CRB1: variants seen among roughly 807,000 people sequenced by gnomAD.
The protein encoded by CRB1 is protein crumbs homolog 1.
Under a neutral mutation model 120.0 loss-of-function variants are expected in CRB1, and 83 were observed. The ratio of observed to expected loss-of-function variants is 0.69; its 90% CI spans 0.58 to 0.83. The LOEUF is 0.83. Ranked by LOEUF, CRB1 falls within the 40% of genes least tolerant of loss-of-function variation. The probability of loss-of-function intolerance (pLI) is 0.00; values close to 1 mark genes in which losing one functional copy is unlikely to be tolerated. For missense variants in CRB1, 1,699 were observed against 1,687.6 expected, an observed-to-expected ratio of 1.01 and a Z score of -0.12; for synonymous variants, 625 against 612.5, an observed-to-expected ratio of 1.02 and a Z score of -0.30.
At chr1:197,458,560 A>G (rs1486457357) in intron 11 of CRB1, among the ~76,000 whole-genome samples, 3 of 152,084 alleles carry the variant, frequency 2.0e-5, no homozygotes, top group Admixed American at 6.6e-5. Flanking sequence ...GCTTCTAGGC[A>G]GGAAATCCAA....
intron 2 of CRB1, among the ~76,000 whole-genome samples, chr1:197,343,218 G>C (rs1659573734): frequency 6.6e-6 from 1 of 152,036 alleles, no homozygotes; most frequent in African/African-American, 2.4e-5. Context: ...TGACTTCTGA[G>C]TTTTTTGAAA....
chr1:197,463,089 G>T (rs1367782279), intron 11 of CRB1, among the ~76,000 whole-genome samples: 2 of 152,104 alleles, frequency 1.3e-5, no homozygotes, highest in East Asian at 3.9e-4. Flanking sequence ...TTTTATAAGA[G>T]CCACAACCCT....
chr1:197,248,576 G>T, the CRB1 span, among the ~76,000 whole-genome samples: 1 of 151,958 alleles, frequency 6.6e-6, no homozygotes, highest in Non-Finnish European at 1.5e-5. Context: ...GTTGTCTAGG[G>T]CTTAAAGATT....
At position 197,344,316 on chromosome 1, in the gene CRB1, T is replaced by G; in HGVS notation, c.688T>G (p.Ser230Ala). 1 of 1,614,180 alleles carries G rather than the reference T, an allele frequency of 6.2e-7. No individual in the cohort carries two copies. The highest frequency in any genetic ancestry group is 2.2e-5 in the East Asian group (1 of 44,882). Reference sequence around the variant, plus strand: ...TGAATTGGAAATTGACGAATGTTGGTCCCAGCCTTGTTTAAATGGTGCAAC... The same window carrying G: ...TGAATTGGAAATTGACGAATGTTGGGCCCAGCCTTGTTTAAATGGTGCAAC... ...NCELEIDECW[S>A]QPCLNGATCQ... is the part of the protein sequence containing the mutation. The change falls in exon 3 of 12, where the codon TCC becomes GCC. Residue 230 changes from serine to alanine, a missense_variant. Coordinates refer to ENST00000367400, the MANE Select transcript of CRB1 (RefSeq NM_201253.3).
At chr1:197,412,237 T>A (rs938113449) in intron 5 of CRB1, among the ~76,000 whole-genome samples, 1 of 152,240 alleles carries the variant, frequency 6.6e-6, no homozygotes, top group African/African-American at 2.4e-5. Context: ...GCCTTATATA[T>A]TTTTATTCAA....
the CRB1 span, among the ~76,000 whole-genome samples, chr1:197,227,153 T>C: frequency 6.6e-6 from 1 of 152,130 alleles, no homozygotes. Flanking sequence ...AAGTCTTATC[T>C]CATTTCAGCA....
intron 8 of CRB1, 28 bp from the exon 9 acceptor site, chr1:197,434,678 A>G: frequency 6.3e-7 from 1 of 1,582,878 alleles, no homozygotes; most frequent in East Asian, 2.2e-5. Context: ...TAATAAAGTT[A>G]TTGATTATTA....
the CRB1 span, among the ~76,000 whole-genome samples, chr1:197,231,233 A>G: frequency 6.6e-6 from 1 of 152,172 alleles, no homozygotes; most frequent in Non-Finnish European, 1.5e-5. Context: ...TTAAAGTCAT[A>G]TGTTTATAAT....
chr1:197,217,840 TAA>T, the CRB1 span, among the ~76,000 whole-genome samples: 2 of 152,178 alleles, frequency 1.3e-5, no homozygotes, highest in Admixed American at 6.5e-5. Flanking sequence ...CAAAACAGTA[TAA>T]GAGACTGTAA....
intron 5 of CRB1, among the ~76,000 whole-genome samples, chr1:197,387,351 G>C (rs1417922952): frequency 6.6e-6 from 1 of 152,048 alleles, no homozygotes; most frequent in Non-Finnish European, 1.5e-5. Flanking sequence ...AGCAAATATA[G>C]CTAATCAGGA....
At chr1:197,242,239 A>G in the CRB1 span, among the ~76,000 whole-genome samples, 1 of 152,134 alleles carries the variant, frequency 6.6e-6, no homozygotes, top group Non-Finnish European at 1.5e-5. Context: ...GAAAGAGGAC[A>G]TTCTTGTCTT....
the CRB1 span, among the ~76,000 whole-genome samples, chr1:197,206,040 C>T: frequency 6.6e-6 from 1 of 151,968 alleles, no homozygotes; most frequent in East Asian, 1.9e-4. Flanking sequence ...AGTTTATGCA[C>T]ATAAAGATGT....
At chr1:197,465,189 A>G (rs1162426185) in intron 11 of CRB1, among the ~76,000 whole-genome samples, 1 of 152,180 alleles carries the variant, frequency 6.6e-6, no homozygotes, top group Non-Finnish European at 1.5e-5. Flanking sequence ...CTAAATTTAT[A>G]CATAGAGATG....
At chr1:197,357,280 A>C (rs1485859401) in intron 5 of CRB1, 4 of 511,854 alleles carry the variant, frequency 7.8e-6, no homozygotes, top group Non-Finnish European at 1.4e-5. Flanking sequence ...GTGCATCTCA[A>C]GTTCTTTACG....
chr1:197,347,213 C>T, intron 3 of CRB1, 127 bp from the exon 4 acceptor site: 2 of 832,436 alleles, frequency 2.4e-6, no homozygotes, highest in Admixed American at 3.5e-5. Flanking sequence ...AGATAATTCC[C>T]CAGAGTTTTT....
intron 5 of CRB1, among the ~76,000 whole-genome samples, chr1:197,374,729 AT>A (rs917606734): frequency 2.1e-4 from 31 of 150,906 alleles, no homozygotes; most frequent in African/African-American, 2.9e-4. Flanking sequence ...TAAAATCATC[AT>A]TTTTTTTTCT....
chr1:197,439,085 G>A (rs1665305504), intron 10 of CRB1: 1 of 175,710 alleles, frequency 5.7e-6, no homozygotes, highest in Non-Finnish European at 1.2e-5. Context: ...TTATCCATAT[G>A]AGTCTACTTT....
chr1:197,231,549 G>A, the CRB1 span, among the ~76,000 whole-genome samples: 1 of 152,158 alleles, frequency 6.6e-6, no homozygotes, highest in Non-Finnish European at 1.5e-5. Flanking sequence ...AGGAAACAGT[G>A]CAAGCATGCT....
chr1:197,453,303 G>GTA (rs941425271), intron 11 of CRB1, among the ~76,000 whole-genome samples: 1 of 23,486 alleles, frequency 4.3e-5, no homozygotes, highest in Non-Finnish European at 3.0e-4. Flanking sequence ...TAGTATATAA[G>GTA]TATATATATT....
Sources: gnomAD v4.1 joint callset for allele counts (sites outside exome capture counted in the v4.1 genomes callset) on GRCh38, gnomAD v4.1.1 for gene constraint, MANE v1.5 for transcripts, NCBI Gene and HGNC (gene_info 2026-07-23, HGNC 2026-07-21) for gene names.